The following SHISA9 variants were observed in gnomAD, a reference collection of about 807,000 sequenced individuals.
The protein encoded by SHISA9 is shisa family member 9.
A neutral mutation model predicts 38.0 loss-of-function variants in SHISA9; 13 were observed. The ratio of observed to expected loss-of-function variants is 0.34; its 90% CI spans 0.22 to 0.54. The LOEUF is 0.54. Among genes scored for constraint, SHISA9 ranks in the 20% least tolerant of loss-of-function variants. The probability of loss-of-function intolerance (pLI) is 0.91; values close to 1 mark genes in which losing one functional copy is unlikely to be tolerated. For synonymous variants in SHISA9, 275 were observed against 242.0 expected (o/e 1.14, Z -1.27); for missense variants, 538 against 575.8 (o/e 0.93, Z 0.67).
chr16:13,256,066 TG>T, the SHISA9 span, among the ~76,000 whole-genome samples: 1 of 152,202 alleles, frequency 6.6e-6, no homozygotes, highest in African/African-American at 2.4e-5. Flanking sequence ...GTTAGGCTAT[TG>T]GAAGTTCCCC....
the SHISA9 span, among the ~76,000 whole-genome samples, chr16:13,373,631 G>T: frequency 6.6e-6 from 1 of 152,052 alleles, no homozygotes; most frequent in South Asian, 2.1e-4. Context: ...GCATGGTAGC[G>T]GGCGCCTGTA....
the SHISA9 span, among the ~76,000 whole-genome samples, chr16:13,462,562 A>G: frequency 1.3e-5 from 2 of 152,028 alleles, no homozygotes; most frequent in Non-Finnish European, 2.9e-5. Flanking sequence ...TGTGGCTCAC[A>G]CCTGTAATCC....
chr16:12,931,635 C>G lies in SHISA9; in HGVS notation c.691+14820C>G, dbSNP rs531405832. 1.3e-3 allele frequency among the ~76,000 whole-genome samples: 203 copies of G among 152,302 alleles called. 1 individual carries two copies. The highest frequency in any genetic ancestry group is 4.7e-3 in the African/African-American group (196 of 41,562). On this transcript the variant is annotated intron_variant, in intron 2 of 4. Coordinates refer to ENST00000558583, the MANE Select transcript of SHISA9 (RefSeq NM_001145204.3). ...ACATGATTTCATTCTCTTTTTATGG[C>G]TCTGTAGTATTCCATGGTGTATATG...
At chr16:12,921,153 C>T (rs538383488) in intron 2 of SHISA9, among the ~76,000 whole-genome samples, 4 of 152,314 alleles carry the variant, frequency 2.6e-5, no homozygotes, top group South Asian at 4.1e-4. Context: ...TCTTTGAAAC[C>T]GGGTTATGCG....
intron 4 of SHISA9, among the ~76,000 whole-genome samples, chr16:13,216,184 CAAAAAAAAA>C (rs929173872): frequency 6.3e-4 from 71 of 113,026 alleles, no homozygotes; most frequent in Middle Eastern, 5.2e-3. Context: ...GAGACTCTGT[CAAAAAAAAA>C]AAAAAAAAAA....
chr16:13,550,754 CCT>C, the SHISA9 span, among the ~76,000 whole-genome samples: 5 of 152,136 alleles, frequency 3.3e-5, no homozygotes, highest in African/African-American at 7.2e-5. Context: ...AAAAGTTTTC[CCT>C]CTCAGTTTAC....
intron 2 of SHISA9, among the ~76,000 whole-genome samples, chr16:13,043,896 C>G (rs1286821404): frequency 2.0e-5 from 3 of 152,204 alleles, no homozygotes; most frequent in African/African-American, 7.2e-5. Context: ...TGGCTCACTT[C>G]TCTGCTTCAC....
the SHISA9 span, among the ~76,000 whole-genome samples, chr16:13,265,683 A>G: frequency 5.3e-5 from 8 of 151,332 alleles, no homozygotes; most frequent in South Asian, 1.7e-3. Context: ...AGTGCAGTGC[A>G]TACAATCATC....
chr16:13,081,948 G>A (rs2073655921), intron 2 of SHISA9, among the ~76,000 whole-genome samples: 1 of 151,930 alleles, frequency 6.6e-6, no homozygotes, highest in Non-Finnish European at 1.5e-5. Flanking sequence ...ACAATTTACT[G>A]CCCCTCATCT....
chr16:13,049,180 G>C (rs1464880808), intron 2 of SHISA9, among the ~76,000 whole-genome samples: 4 of 151,468 alleles, frequency 2.6e-5, no homozygotes, highest in Non-Finnish European at 5.9e-5. Context: ...GTGTGTGTGT[G>C]TGTGTGTGTG....
At chr16:13,399,850 C>T in the SHISA9 span, among the ~76,000 whole-genome samples, 3 of 152,192 alleles carry the variant, frequency 2.0e-5, no homozygotes, top group African/African-American at 7.2e-5. Context: ...ATTTTGCTGT[C>T]CCATGGACCA....
intron 2 of SHISA9, among the ~76,000 whole-genome samples, chr16:13,128,272 T>C (rs2050278247): frequency 6.6e-6 from 1 of 152,178 alleles, no homozygotes; most frequent in East Asian, 1.9e-4. Flanking sequence ...CCATTCTTAG[T>C]GCCAGGTGTT....
intron 2 of SHISA9, among the ~76,000 whole-genome samples, chr16:13,048,681 C>G (rs1325831884): frequency 2.0e-5 from 3 of 152,198 alleles, no homozygotes; most frequent in African/African-American, 7.2e-5. Context: ...CTTGGCCTCC[C>G]AAAGTGCTGG....
At chr16:12,979,267 T>C (rs1407763057) in intron 2 of SHISA9, among the ~76,000 whole-genome samples, 1 of 152,070 alleles carries the variant, frequency 6.6e-6, no homozygotes, top group Non-Finnish European at 1.5e-5. Flanking sequence ...TTTTCGAGTA[T>C]CTGCTATATG....
chr16:13,234,902 G>A, intron 4 of SHISA9, 128 bp from the exon 5 acceptor site: 2 of 1,117,064 alleles, frequency 1.8e-6, no homozygotes, highest in South Asian at 3.3e-5. Context: ...AGTGTGTCTT[G>A]TTTGGACTGT....
the SHISA9 span, among the ~76,000 whole-genome samples, chr16:13,535,375 A>T: frequency 3.9e-5 from 6 of 152,232 alleles, no homozygotes; most frequent in Admixed American, 3.9e-4. Flanking sequence ...TGTCTCTGAG[A>T]GAACCCACTC....
intron 2 of SHISA9, among the ~76,000 whole-genome samples, chr16:13,181,882 G>T (rs574505575): frequency 4.6e-5 from 7 of 152,272 alleles, no homozygotes; most frequent in African/African-American, 1.7e-4. Flanking sequence ...GATTCACTTA[G>T]AATTATTTTA....
intron 2 of SHISA9, among the ~76,000 whole-genome samples, chr16:12,938,814 C>T (rs542751377): frequency 6.6e-6 from 1 of 152,068 alleles, no homozygotes; most frequent in East Asian, 1.9e-4. Context: ...CTTTCCATGC[C>T]ATGTTGCCTT....
intron 2 of SHISA9, among the ~76,000 whole-genome samples, chr16:13,156,518 A>G (rs2050548436): frequency 6.6e-6 from 1 of 152,066 alleles, no homozygotes; most frequent in Non-Finnish European, 1.5e-5. Flanking sequence ...GCAGATCACA[A>G]GGTCGGGAGA....
Sources: gnomAD v4.1 joint callset for allele counts (sites outside exome capture counted in the v4.1 genomes callset) on GRCh38, gnomAD v4.1.1 for gene constraint, MANE v1.5 for transcripts, NCBI Gene and HGNC (gene_info 2026-07-23, HGNC 2026-07-21) for gene names.